The following NHSL1 variants were observed in gnomAD, a reference collection of about 807,000 sequenced individuals.
The protein encoded by NHSL1 is NHS like 1, also known as NHS-like protein 1.
In NHSL1, 48 loss-of-function variants were observed where a neutral mutation model predicts 95.0. The ratio of observed to expected loss-of-function variants is 0.51; its 90% CI spans 0.40 to 0.64. The LOEUF (loss-of-function observed/expected upper bound fraction) is 0.64. Among genes scored for constraint, NHSL1 ranks in the 30% least tolerant of loss-of-function variants. The pLI is 0.00. For missense variants in NHSL1, 1,971 were observed against 2,077.7 expected (o/e 0.95, Z 1.00); for synonymous variants, 783 against 833.9 (o/e 0.94, Z 1.05).
intron 1 of NHSL1, among the ~76,000 whole-genome samples, chr6:138,609,586 T>C (rs1784480696): frequency 6.6e-6 from 1 of 151,706 alleles, no homozygotes; most frequent in African/African-American, 2.4e-5. Flanking sequence ...CCATCTCTAC[T>C]AAAAATACAA....
chr6:138,591,600 G>C (rs1217098212), intron 1 of NHSL1, among the ~76,000 whole-genome samples: 3 of 151,976 alleles, frequency 2.0e-5, no homozygotes, highest in Admixed American at 6.6e-5. Context: ...TGTTGTTGTT[G>C]TTTGTTTGTT....
rs1377948935 is a variant in NHSL1, at chr6:138,496,373, T to C, written c.59-2A>G. 3 of 1,549,752 alleles carry C rather than the reference T, an allele frequency of 1.9e-6. No individual in the cohort carries two copies. Among genetic ancestry groups the C allele is most frequent in the Non-Finnish European group, 2.6e-6 (3 of 1,146,764 alleles). Reference sequence around the variant, plus strand: ...TTTCCTCATCTAGGTTGGAAACCGCTATAGAAAAAAAGATAGAATACATTC... The same window carrying C: ...TTTCCTCATCTAGGTTGGAAACCGCCATAGAAAAAAAGATAGAATACATTC... On this transcript the variant is annotated splice_acceptor_variant, in intron 1 of 7. Coordinates refer to ENST00000343505, the MANE Select transcript of NHSL1 (RefSeq NM_001144060.2). LOFTEE classifies it high-confidence loss of function.
intron 1 of NHSL1, among the ~76,000 whole-genome samples, chr6:138,522,148 A>C (rs1299909412): frequency 6.6e-6 from 1 of 152,216 alleles, no homozygotes; most frequent in Non-Finnish European, 1.5e-5. Context: ...GATGCACTGA[A>C]GAGGAGGTGA....
At chr6:138,593,227 G>A (rs78661261) in intron 1 of NHSL1, among the ~76,000 whole-genome samples, 6,967 of 152,270 alleles carry the variant, frequency 0.046, 223 homozygotes, top group Admixed American at 0.089. Flanking sequence ...GCACTGACAC[G>A]GAGGCAGTCA....
chr6:138,530,363 T>C (rs1296462648), intron 1 of NHSL1, among the ~76,000 whole-genome samples: 2 of 152,180 alleles, frequency 1.3e-5, no homozygotes, highest in Non-Finnish European at 2.9e-5. Flanking sequence ...TGGAAAACAG[T>C]ATGGAGATTC....
Sources: allele counts gnomAD v4.1 joint callset (sites outside exome capture counted in the v4.1 genomes callset), GRCh38; gene constraint gnomAD v4.1.1; transcripts MANE v1.5; gene names NCBI Gene and HGNC (gene_info 2026-07-23, HGNC 2026-07-21).